Variants in SLC39A9 observed in about 807,000 individuals in gnomAD.
The protein encoded by SLC39A9 is zinc transporter ZIP9.
A neutral mutation model predicts 28.4 loss-of-function variants in SLC39A9; 14 were observed. The observed-to-expected ratio is 0.49, with a 90% CI of 0.33 to 0.77. SLC39A9 has a LOEUF of 0.77. Ranked by LOEUF, SLC39A9 falls within the 30% of genes least tolerant of loss-of-function variation. SLC39A9 has a pLI of 0.02. For missense variants in SLC39A9, 283 were observed against 381.1 expected (o/e 0.74, Z 2.14); for synonymous variants, 119 against 149.6 (o/e 0.80, Z 1.49).
rs868313187 is a variant in SLC39A9 at position 69,413,975 on chromosome 14, G to A, written c.97-10119G>A. On this transcript the variant is annotated intron_variant, in intron 1 of 6. Transcript: ENST00000336643. The stretch of plus-strand genomic sequence containing the variant: ...CTAATATCCCTATTTTTAAAACATG[G>A]GTCTAAAGATTAATAAAAACCTTTA... Among the ~76,000 whole-genome samples the A allele has an allele frequency of 1.3e-5, 2 of 151,478 alleles. 1 individual carries two copies. The highest frequency in any genetic ancestry group is 4.2e-4 in the South Asian group (2 of 4,780).
chr14:69,415,084 G>A (rs1268839115), intron 1 of SLC39A9, among the ~76,000 whole-genome samples: 1 of 152,208 alleles, frequency 6.6e-6, no homozygotes, highest in Non-Finnish European at 1.5e-5. Flanking sequence ...GATCCAGATT[G>A]TGGCTATTCT....
intron 2 of SLC39A9, among the ~76,000 whole-genome samples, chr14:69,426,165 G>A (rs1460687513): frequency 2.0e-5 from 3 of 152,200 alleles, no homozygotes; most frequent in Non-Finnish European, 2.9e-5. Flanking sequence ...ATTTAATTCT[G>A]ACGCTGTCTA....
chr14:69,426,849 T>C (rs1359236541), intron 2 of SLC39A9, among the ~76,000 whole-genome samples: 1 of 152,176 alleles, frequency 6.6e-6, no homozygotes, highest in African/African-American at 2.4e-5. Flanking sequence ...CGTTTGTGTG[T>C]GTGTGTATAT....
At chr14:69,439,005 C>G (rs1483661936) in intron 2 of SLC39A9, among the ~76,000 whole-genome samples, 1 of 152,192 alleles carries the variant, frequency 6.6e-6, no homozygotes, top group African/African-American at 2.4e-5. Context: ...TCTCTGTTTT[C>G]AGGTGAGATG....
chr14:69,456,987 A>G (rs763683900), intron 6 of SLC39A9, among the ~76,000 whole-genome samples: 17 of 152,182 alleles, frequency 1.1e-4, no homozygotes, highest in Non-Finnish European at 2.4e-4. Context: ...CTATCACTTC[A>G]GTAATCAGTG....
chr14:69,460,368 A>G lies in SLC39A9; in HGVS notation c.*1775A>G. ...ACAGTTGTATGTAGTCATTGGCAAC[A>G]ATTGCATACAATTTTACTACCAAGA... On this transcript the variant is annotated 3_prime_UTR_variant, in exon 7 of 7. Coordinates refer to ENST00000336643, the MANE Select transcript of SLC39A9 (RefSeq NM_018375.5). 1 of 985,388 alleles carries G rather than the reference A, an allele frequency of 1.0e-6. No homozygotes were observed. Among genetic ancestry groups the G allele is most frequent in the Non-Finnish European group, 1.2e-6 (1 of 829,938 alleles). 61.0% of individuals were successfully genotyped at this position (985,388 alleles called of 1,614,324 possible).
chr14:69,421,318 CACCAGCAGAGGCTGCAGAACAGCAA>C lies in SLC39A9; in HGVS notation c.97-2773_97-2749del, dbSNP rs1236014725. 1.2e-4 allele frequency among the ~76,000 whole-genome samples: 19 copies of C among 152,356 alleles called. 1 individual carries two copies. The Middle Eastern group carries it at 0.017, about 136-fold the overall frequency. ...CTCCAGATGCTGTTTGCCTTGGTAT[CACCAGCAGAGGCTGCAGAACAGCAA>C]ACATTGCTGCCTGATCCTTCCTCTG... On this transcript the variant is annotated intron_variant, in intron 1 of 6. Coordinates refer to ENST00000336643, the MANE Select transcript of SLC39A9 (RefSeq NM_018375.5).
rs1885995477 is a variant in SLC39A9, at chr14:69,458,973, TTTC to T, written c.*386_*388del. The T allele has an allele frequency of 2.0e-6, 2 of 1,000,066 alleles. No individual in the cohort carries two copies. Among genetic ancestry groups the T allele is most frequent in the South Asian group, 9.0e-5 (2 of 22,118 alleles). The allele number at this position is 1,000,066 out of a possible 1,614,324, so 61.9% of individuals were successfully genotyped here. On this transcript the variant is annotated 3_prime_UTR_variant, in exon 7 of 7. Coordinates refer to ENST00000336643, the MANE Select transcript of SLC39A9 (RefSeq NM_018375.5). ...GTGTTCTGTAATTAAGCTATGTCTC[TTTC>T]TTCTTAGTTTAGAGGCTCTGCTACT...
intron 1 of SLC39A9, among the ~76,000 whole-genome samples, chr14:69,415,882 G>C (rs1388527656): frequency 6.6e-6 from 1 of 152,082 alleles, no homozygotes; most frequent in Admixed American, 6.6e-5. Flanking sequence ...TAATGTATCA[G>C]AGATAATAGA....
intron 3 of SLC39A9, among the ~76,000 whole-genome samples, chr14:69,447,305 G>A (rs2139437442): frequency 6.6e-6 from 1 of 152,290 alleles, no homozygotes; most frequent in East Asian, 1.9e-4. Context: ...AAAAACCAGT[G>A]GAGAGCAACC....
intron 1 of SLC39A9, among the ~76,000 whole-genome samples, chr14:69,418,344 A>C (rs1225867074): frequency 6.6e-6 from 1 of 151,008 alleles, no homozygotes; most frequent in African/African-American, 2.4e-5. Flanking sequence ...AAGCTTTTTG[A>C]TGTGCTGCTG....
At chr14:69,401,326 T>G (rs1182903494) in intron 1 of SLC39A9, among the ~76,000 whole-genome samples, 1 of 152,216 alleles carries the variant, frequency 6.6e-6, no homozygotes, top group Non-Finnish European at 1.5e-5. Context: ...TTGGGTTACC[T>G]GCCTGCCCAG....
intron 6 of SLC39A9, among the ~76,000 whole-genome samples, chr14:69,456,474 C>A (rs543246543): frequency 6.6e-6 from 1 of 152,150 alleles, no homozygotes; most frequent in African/African-American, 2.4e-5. Context: ...TCATTTTTCA[C>A]GTTCCTCCTC....
In SLC39A9 at chr14:69,461,741, C is replaced by T. The variant is rs1412940854; in HGVS notation, c.*3148C>T. 1.3e-6 allele frequency: 2 copies of T among 1,534,902 alleles called. No individual in the cohort carries two copies. The highest frequency in any genetic ancestry group is 2.7e-5 in the African/African-American group (2 of 72,960). On this transcript the variant is annotated 3_prime_UTR_variant, in exon 7 of 7. Transcript: ENST00000336643. The stretch of plus-strand genomic sequence containing the variant: ...CACCAGCATCGGAGTGTATTAAGCC[C>T]CTGAAACACATGGTAGCTAGGGACT...
At chr14:69,420,518 G>C (rs1258750911) in intron 1 of SLC39A9, among the ~76,000 whole-genome samples, 1 of 152,110 alleles carries the variant, frequency 6.6e-6, no homozygotes, top group African/African-American at 2.4e-5. Flanking sequence ...GGTATTCTCT[G>C]TATTTCCTGA....
chr14:69,399,852 C>T (rs1393939910), intron 1 of SLC39A9, among the ~76,000 whole-genome samples: 1 of 152,114 alleles, frequency 6.6e-6, no homozygotes, highest in Non-Finnish European at 1.5e-5. Flanking sequence ...CGGTGGCTCA[C>T]GCCTGTAATC....
At position 69,461,773 on chromosome 14, in the gene SLC39A9, A is replaced by T. The variant is rs936513901; in HGVS notation, c.*3180A>T. 26 of 1,531,238 alleles carry T rather than the reference A, an allele frequency of 1.7e-5. No homozygotes were observed. The highest frequency in any genetic ancestry group is 7.9e-5 in the Admixed American group (4 of 50,676). The allele number at this position is 1,531,238 out of a possible 1,614,324, so 94.9% of individuals were successfully genotyped here. A position where few individuals can be genotyped will look rare whatever the true frequency, so the allele number is the denominator to read the frequency against. On this transcript the variant is annotated 3_prime_UTR_variant, in exon 7 of 7. Coordinates refer to ENST00000336643, the MANE Select transcript of SLC39A9 (RefSeq NM_018375.5). ...CACATGGTAGCTAGGGACTGAACAC[A>T]GGAACCGTATGACAGCAGCACAAAC...
Position 69,455,928 on chromosome 14 carries a change from C to T in SLC39A9, c.693+62C>T. On this transcript the variant is annotated intron_variant, in intron 6 of 6. Transcript: ENST00000336643. ...CTTGTGATCTCTTAGAATTTATGAT[C>T]TCTTAGATTGAATTTTTCCAATACA... is the stretch of plus-strand genomic sequence containing the variant. The T allele has an allele frequency of 1.4e-5, 22 of 1,562,730 alleles. No individual in the cohort carries two copies. In the South Asian group the frequency reaches 2.4e-4, roughly 17 times the overall value.
rs752519831 is a variant in SLC39A9 at position 69,458,614 on chromosome 14, G to T, written c.*21G>T. 1.9e-6 allele frequency: 3 copies of T among 1,572,698 alleles called. No individual in the cohort carries two copies. Among genetic ancestry groups the T allele is most frequent in the African/African-American group, 2.7e-5 (2 of 74,086 alleles). The stretch of plus-strand genomic sequence containing the variant: ...ATTAAATGTTCAAGGTCCAGCCTTG[G>T]TCCAGGGCCGTTTGCCATCCAGTGA... On this transcript the variant is annotated 3_prime_UTR_variant, in exon 7 of 7. Coordinates refer to ENST00000336643, the MANE Select transcript of SLC39A9 (RefSeq NM_018375.5).
Sources: allele counts gnomAD v4.1 joint callset (sites outside exome capture counted in the v4.1 genomes callset), GRCh38; gene constraint gnomAD v4.1.1; transcripts MANE v1.5; gene names NCBI Gene and HGNC (gene_info 2026-07-23, HGNC 2026-07-21).